The following MAST4 variants were observed in gnomAD, a reference collection of about 807,000 sequenced individuals.
MAST4 encodes the protein microtubule-associated serine/threonine-protein kinase 4.
In MAST4, 89 loss-of-function variants were observed where a neutral mutation model predicts 162.7. The observed-to-expected ratio is 0.55, with a 90% confidence interval of 0.46 to 0.65. The LOEUF (loss-of-function observed/expected upper bound fraction) is 0.65. MAST4 is among the 30% of genes least tolerant of loss of function. The probability of loss-of-function intolerance (pLI) is 0.00; values close to 1 mark genes in which losing one functional copy is unlikely to be tolerated. For synonymous variants in MAST4, 1,479 were observed against 1,361.1 expected (o/e 1.09, Z -1.91); for missense variants, 3,153 against 3,374.0 (o/e 0.93, Z 1.62).
rs577279658 is a variant in MAST4 at position 66,924,396 on chromosome 5, A to AT, written c.674+24429dup. Among the ~76,000 whole-genome samples, 1,237 of 144,614 alleles carry AT rather than the reference A, an allele frequency of 8.6e-3. 6 individuals carry two copies. Among genetic ancestry groups the AT allele is most frequent in the Middle Eastern group, 0.018 (5 of 284 alleles). 94.9% of individuals were successfully genotyped at this position (144,614 alleles called of 152,430 possible). A position where few individuals can be genotyped will look rare whatever the true frequency, so the allele number is the denominator to read the frequency against. On this transcript the variant is annotated intron_variant, in intron 4 of 28. Coordinates refer to ENST00000403625, the MANE Select transcript of MAST4 (RefSeq NM_001164664.2). ...GACTACTTGGTCTTTGTAGAAAATA[A>AT]TTTTTTTTTTTTTTTGAGATGGAGT... is the stretch of plus-strand genomic sequence containing the variant.
chr5:66,992,344 C>T (rs557965052), intron 4 of MAST4, among the ~76,000 whole-genome samples: 57 of 152,204 alleles, frequency 3.7e-4, no homozygotes, highest in Admixed American at 8.5e-4. Context: ...TTCAGTGTTT[C>T]GCATCTTCAC....
intron 5 of MAST4, among the ~76,000 whole-genome samples, chr5:67,066,277 A>G (rs1760221739): frequency 6.6e-6 from 1 of 151,952 alleles, no homozygotes; most frequent in African/African-American, 2.4e-5. Flanking sequence ...AAACATATAG[A>G]TAAAAGAAAA....
In MAST4 at chr5:67,131,969, A is replaced by C. The variant is rs773528817; in HGVS notation, c.2093+18A>C. The C allele has an allele frequency of 6.2e-7, 1 of 1,606,104 alleles. No homozygotes were observed. Among genetic ancestry groups the C allele is most frequent in the Admixed American group, 1.7e-5 (1 of 59,168 alleles). ...CCAGACAAGTATGTACACAAATGAA[A>C]TATATGTCTTCTTTTGCCCAATACA... On this transcript the variant is annotated intron_variant, in intron 16 of 28. Transcript: ENST00000403625.
At chr5:67,128,800 C>G (rs889176541) in intron 14 of MAST4, among the ~76,000 whole-genome samples, 2 of 152,064 alleles carry the variant, frequency 1.3e-5, no homozygotes, top group Non-Finnish European at 2.9e-5. Flanking sequence ...TCACATACCC[C>G]CTGTTTTATA....
intron 1 of MAST4, among the ~76,000 whole-genome samples, chr5:66,748,018 A>G (rs78691428): frequency 2.0e-3 from 303 of 152,282 alleles, no homozygotes; most frequent in African/African-American, 7.1e-3. Flanking sequence ...AGGACATGCT[A>G]TGCTTGTTGG....
In MAST4 at chr5:67,166,510, C is replaced by G; in HGVS notation, c.7331C>G (p.Thr2444Ser). The stretch of plus-strand genomic sequence containing the variant: ...GGCATGAAACGGTCCCCCTCAGCCA[C>G]TGGGCAGAGTTCTTTCCGATCCACG... The part of the protein sequence containing the change: ...PNGMKRSPSA[T>S]GQSSFRSTAL... Residue 2444 changes from threonine (T) to serine (S), a missense_variant, in exon 29 of 29, where the codon ACT becomes AGT. By Grantham distance (58) the Thr-to-Ser change is moderately conservative (BLOSUM62 1). Transcript: ENST00000403625. 1 of 1,606,926 alleles carries G rather than the reference C, an allele frequency of 6.2e-7. No homozygotes were observed. Among genetic ancestry groups the G allele is most frequent in the South Asian group, 1.1e-5 (1 of 89,594 alleles).
chr5:66,700,528 A>G (rs1749697444), intron 1 of MAST4, among the ~76,000 whole-genome samples: 1 of 152,076 alleles, frequency 6.6e-6, no homozygotes, highest in African/African-American at 2.4e-5. Context: ...CTAAAAATAT[A>G]AAAACTAGCC....
intron 5 of MAST4, among the ~76,000 whole-genome samples, chr5:67,061,340 C>T (rs1022274735): frequency 6.6e-6 from 1 of 152,180 alleles, no homozygotes; most frequent in Non-Finnish European, 1.5e-5. Context: ...ATTTTCCATA[C>T]TCATTAACCA....
chr5:66,847,982 C>T (rs1485942293), intron 3 of MAST4, among the ~76,000 whole-genome samples: 1 of 152,110 alleles, frequency 6.6e-6, no homozygotes, highest in Non-Finnish European at 1.5e-5. Context: ...GCCACTGGAT[C>T]AAATGTTGTC....
intron 4 of MAST4, among the ~76,000 whole-genome samples, chr5:66,996,321 T>C (rs1337123554): frequency 6.6e-6 from 1 of 152,164 alleles, no homozygotes; most frequent in African/African-American, 2.4e-5. Context: ...TTCCATCGTT[T>C]TTATTCGTAT....
Position 67,031,631 on chromosome 5 carries a change from A to G in MAST4, c.675-22773A>G, listed in dbSNP as rs543706660. Among the ~76,000 whole-genome samples the G allele has an allele frequency of 6.6e-5, 10 of 152,296 alleles. No individual in the cohort carries two copies. In the East Asian group the frequency reaches 1.5e-3, roughly 24 times the overall value. On this transcript the variant is annotated intron_variant, in intron 4 of 28. Transcript: ENST00000403625. ...GACTTAGTGAAGATTTGTAAAATACATGTTAATTGGCATAACACCATTAAA... is the reference window on the plus strand; with the variant it reads ...GACTTAGTGAAGATTTGTAAAATACGTGTTAATTGGCATAACACCATTAAA...
chr5:66,885,796 C>T (rs1183567037), intron 3 of MAST4, among the ~76,000 whole-genome samples: 1 of 152,156 alleles, frequency 6.6e-6, no homozygotes, highest in Admixed American at 6.5e-5. Context: ...GCTGAAGATA[C>T]ATCAGCATAA....
chr5:67,056,332 C>A (rs1204520383), intron 5 of MAST4, among the ~76,000 whole-genome samples: 1 of 152,136 alleles, frequency 6.6e-6, no homozygotes, highest in Admixed American at 6.6e-5. Context: ...GTGCCAGATA[C>A]CTTACTTGGG....
intron 3 of MAST4, among the ~76,000 whole-genome samples, chr5:66,849,306 CAA>C (rs761591107): frequency 1.1e-4 from 16 of 152,266 alleles, no homozygotes; most frequent in Non-Finnish European, 1.3e-4. Context: ...TAGAGTCTAT[CAA>C]GTCTTCGCTA....
At chr5:67,160,234 C>A (rs572260394) in intron 26 of MAST4, among the ~76,000 whole-genome samples, 21 of 152,312 alleles carry the variant, frequency 1.4e-4, no homozygotes, top group African/African-American at 5.1e-4. Flanking sequence ...GAACTCAGAT[C>A]TGTGGACTCC....
intron 3 of MAST4, among the ~76,000 whole-genome samples, chr5:66,880,816 A>C (rs1170306220): frequency 6.6e-6 from 1 of 152,210 alleles, no homozygotes; most frequent in South Asian, 2.1e-4. Context: ...AAAGGTAAAA[A>C]ATATCTTTGA....
chr5:66,800,972 G>A (rs1445477575), intron 3 of MAST4, among the ~76,000 whole-genome samples: 1 of 152,052 alleles, frequency 6.6e-6, no homozygotes, highest in African/African-American at 2.4e-5. Context: ...AGATTAACAG[G>A]TTTTTACTGA....
In MAST4 at chr5:67,165,967, G is replaced by C; in HGVS notation, c.6788G>C (p.Gly2263Ala). The C allele has an allele frequency of 6.2e-7, 1 of 1,613,480 alleles. No individual in the cohort carries two copies. Among genetic ancestry groups the C allele is most frequent in the Non-Finnish European group, 8.5e-7 (1 of 1,179,826 alleles). The change falls in exon 29 of 29, where the codon GGG (glycine) becomes GCG (alanine). Residue 2263 changes from glycine (G) to alanine (A), a missense_variant. Around this residue, in one of 7 missense-constraint regions of MAST4, gnomAD observed 1,644 missense variants for 1,495.0 expected, o/e 1.10. Coordinates refer to ENST00000403625, the MANE Select transcript of MAST4 (RefSeq NM_001164664.2). ...TPGSQNKASD[G>A]IGQGEGGPSV... ...GGCTCCCAGAACAAAGCCAGCGATGGGATTGGCCAGGGAGAAGGTGGGCCC... is the reference window on the plus strand; with the variant it reads ...GGCTCCCAGAACAAAGCCAGCGATGCGATTGGCCAGGGAGAAGGTGGGCCC...
intron 3 of MAST4, chr5:66,789,858 A>G (rs941770059): frequency 2.8e-5 from 13 of 458,900 alleles, no homozygotes; most frequent in East Asian, 6.2e-5. Flanking sequence ...ACTCTTTTCT[A>G]TGTTTGAAAA....
Sources: allele counts gnomAD v4.1 joint callset (sites outside exome capture counted in the v4.1 genomes callset), GRCh38; gene constraint gnomAD v4.1.1; regional missense constraint gnomAD v4.1.1; transcripts MANE v1.5; gene names NCBI Gene and HGNC (gene_info 2026-07-23, HGNC 2026-07-21).